Variants in PLG observed in about 807,000 individuals in gnomAD.
PLG encodes plasmin.
In PLG, 41 loss-of-function variants were observed where a neutral mutation model predicts 104.4. The ratio of observed to expected loss-of-function variants is 0.39; its 90% CI spans 0.31 to 0.51. The LOEUF is 0.51. Ranked by LOEUF, PLG falls within the 20% of genes least tolerant of loss-of-function variation. The probability of loss-of-function intolerance (pLI) is 0.76; values close to 1 mark genes in which losing one functional copy is unlikely to be tolerated. For synonymous variants in PLG, 337 were observed against 357.1 expected, an observed-to-expected ratio of 0.94 and a Z score of 0.63; for missense variants, 891 against 1,003.6, an observed-to-expected ratio of 0.89 and a Z score of 1.52.
chr6:160,702,377 A>G (rs1777433364), intron 1 of PLG, 24 bp downstream of exon 1: 3 of 1,540,038 alleles, frequency 1.9e-6, no homozygotes, highest in African/African-American at 2.8e-5. Context: ...TTTTTAAATT[A>G]TAAGAATTAT....
At chr6:160,716,864 G>T in intron 7 of PLG, 101 bp downstream of exon 7, 1 of 795,068 alleles carries the variant, frequency 1.3e-6, no homozygotes, top group South Asian at 1.4e-5. Context: ...TCTGAAAAGT[G>T]ACCTACAAGT....
chr6:160,718,217 C>T (rs575910929), intron 7 of PLG, 77 bp from the exon 8 acceptor site: 1 of 1,308,562 alleles, frequency 7.6e-7, no homozygotes, highest in South Asian at 1.2e-5. Flanking sequence ...GTGCCACTGA[C>T]TCCAGCCTGG....
In PLG at chr6:160,753,977, T is replaced by C. The variant is rs1473889790; in HGVS notation, c.*916T>C. ...CAATTTAACAATGCAACAGTCATCT[T>C]ACAGCAGAGAAATGCAGAGAAAAGC... is the stretch of plus-strand genomic sequence containing the variant. On this transcript the variant is annotated 3_prime_UTR_variant, in exon 19 of 19. Coordinates refer to ENST00000308192, the MANE Select transcript of PLG (RefSeq NM_000301.5). This position sits in a 1 kb window ranked among gnomAD's most constrained non-coding sequence, Gnocchi z 5.4. Among the ~76,000 whole-genome samples the C allele has an allele frequency of 6.6e-6, 1 of 152,248 alleles. No individual in the cohort carries two copies. Among genetic ancestry groups the C allele is most frequent in the Non-Finnish European group, 1.5e-5 (1 of 68,038 alleles).
At chr6:160,711,630 T>C (rs892944875) in intron 4 of PLG, 8 of 1,610,614 alleles carry the variant, frequency 5.0e-6, no homozygotes, top group African/African-American at 4.0e-5. Flanking sequence ...TTTGGCACCA[T>C]AGTAGAACAT....
At chr6:160,716,888 A>G in intron 7 of PLG, 125 bp downstream of exon 7, 2 of 743,360 alleles carry the variant, frequency 2.7e-6, no homozygotes, top group South Asian at 2.9e-5. Flanking sequence ...ATGGGATGTT[A>G]TTGGTCTTTA....
intron 17 of PLG, among the ~76,000 whole-genome samples, chr6:160,751,675 G>A (rs576634383): frequency 6.6e-6 from 1 of 152,192 alleles, no homozygotes; most frequent in East Asian, 1.9e-4. Flanking sequence ...TATTAGTTAT[G>A]AAGATCATAG....
intron 9 of PLG, 118 bp downstream of exon 9, chr6:160,718,956 G>C: frequency 1.1e-6 from 1 of 907,316 alleles, no homozygotes; most frequent in South Asian, 1.4e-5. Context: ...TGGTCAGAAA[G>C]CCTGCCCTTA....
At chr6:160,713,260 A>G in intron 5 of PLG, 135 bp downstream of exon 5, 1 of 777,090 alleles carries the variant, frequency 1.3e-6, no homozygotes, top group Non-Finnish European at 2.2e-6. Flanking sequence ...GCAAAACCCC[A>G]GAATTAACCT....
chr6:160,742,583 CT>C (rs749076222), intron 17 of PLG, among the ~76,000 whole-genome samples: 32 of 151,622 alleles, frequency 2.1e-4, no homozygotes, highest in Non-Finnish European at 1.3e-4. Flanking sequence ...CAAATATTTT[CT>C]CCTGTTCTCT....
rs1220798532 is a variant in PLG at position 160,719,078 on chromosome 6, G to T, written c.1096+240G>T. On this transcript the variant is annotated intron_variant, in intron 9 of 18. Coordinates refer to ENST00000308192, the MANE Select transcript of PLG (RefSeq NM_000301.5). The surrounding 1 kb of genome is among the most constrained non-coding windows in gnomAD (Gnocchi z 4.1). The stretch of plus-strand genomic sequence containing the variant: ...AGAATGTGTCTTCTGCGGTTGTTGG[G>T]TGGGGTGTTCCCTCAAGGTCATTTA... Among the ~76,000 whole-genome samples the T allele has an allele frequency of 6.6e-6, 1 of 152,142 alleles. No individual in the cohort carries two copies. The highest frequency in any genetic ancestry group is 1.9e-4 in the East Asian group (1 of 5,200).
chr6:160,744,968 G>A lies in PLG; in HGVS notation c.2125+3551G>A, dbSNP rs943654957. Among the ~76,000 whole-genome samples the A allele has an allele frequency of 1.3e-5, 2 of 152,184 alleles. No homozygotes were observed. The highest frequency in any genetic ancestry group is 2.9e-5 in the Non-Finnish European group (2 of 68,024). On this transcript the variant is annotated intron_variant, in intron 17 of 18. Transcript: ENST00000308192. The surrounding 1 kb of genome is among the most constrained non-coding windows in gnomAD (Gnocchi z 4.5). ...TTTCCATGTAATTGTACGGTTTTGA[G>A]TTATTTTCTTAGTCTTGACTGGTAT... is the stretch of plus-strand genomic sequence containing the variant.
At chr6:160,704,568 T>G (rs1777482336) in intron 1 of PLG, among the ~76,000 whole-genome samples, 1 of 152,206 alleles carries the variant, frequency 6.6e-6, no homozygotes, top group Non-Finnish European at 1.5e-5. Flanking sequence ...AAATGAGAGT[T>G]CAAGTTGGCA....
chr6:160,718,604 G>A (rs953069776), intron 8 of PLG, 89 bp from the exon 9 acceptor site: 4 of 1,457,454 alleles, frequency 2.7e-6, no homozygotes, highest in Non-Finnish European at 3.9e-6. Context: ...ACTTTAGCAC[G>A]TTTTTTCCCG....
chr6:160,729,554 A>G (rs560835791), intron 10 of PLG, among the ~76,000 whole-genome samples: 1 of 152,372 alleles, frequency 6.6e-6, no homozygotes, highest in East Asian at 1.9e-4. Flanking sequence ...AGCAATTAAA[A>G]TGAAGAAGTG....
At position 160,742,416 on chromosome 6, in the gene PLG, CT is replaced by C. The variant is rs1278658243; in HGVS notation, c.2125+1006del. On this transcript the variant is annotated intron_variant, in intron 17 of 18. Coordinates refer to ENST00000308192, the MANE Select transcript of PLG (RefSeq NM_000301.5). ...TTCTCTAACGATCAGTGATATTGAGCTTTTTTTCATATGTTTGTTGGCCACA... is the reference window on the plus strand; with the variant it reads ...TTCTCTAACGATCAGTGATATTGAGCTTTTTTCATATGTTTGTTGGCCACA... 4.6e-5 allele frequency among the ~76,000 whole-genome samples: 7 copies of C among 151,828 alleles called. No homozygotes were observed. In the South Asian group the frequency reaches 1.5e-3, roughly 32 times the overall value.
Position 160,739,248 on chromosome 6 carries a change from G to A in PLG, c.2018+40G>A, listed in dbSNP as rs760903224. On this transcript the variant is annotated intron_variant, in intron 16 of 18. Coordinates refer to ENST00000308192, the MANE Select transcript of PLG (RefSeq NM_000301.5). The surrounding 1 kb of genome is among the most constrained non-coding windows in gnomAD (Gnocchi z 4.4). ...GTGGTCTTCACCCCACGCTGGTGAA[G>A]ATATTTGCTTTATGTCTGGGTTTTA... 41 of 1,613,708 alleles carry A rather than the reference G, an allele frequency of 2.5e-5. No homozygotes were observed. The East Asian group carries it at 9.1e-4, about 36-fold the overall frequency.
At position 160,719,657 on chromosome 6, in the gene PLG, AT is replaced by A. The variant is rs1777798196; in HGVS notation, c.1096+824del. On this transcript the variant is annotated intron_variant, in intron 9 of 18. Transcript: ENST00000308192. This position sits in a 1 kb window ranked among gnomAD's most constrained non-coding sequence, Gnocchi z 4.1. ...TCTCCACTACTCACTTAGTAAATTA[AT>A]TTTTAATGGTTTTAGTATTTTCCAC... 6.6e-6 allele frequency among the ~76,000 whole-genome samples: 1 copy of A among 152,116 alleles called. No homozygotes were observed. Among genetic ancestry groups the A allele is most frequent in the Non-Finnish European group, 1.5e-5 (1 of 68,002 alleles).
chr6:160,721,052 C>T (rs537032692), intron 9 of PLG, among the ~76,000 whole-genome samples: 1 of 152,226 alleles, frequency 6.6e-6, no homozygotes, highest in Admixed American at 6.5e-5. Flanking sequence ...TTTTTTCTAG[C>T]ATTTTCATGT....
chr6:160,710,842 C>T lies in PLG; in HGVS notation c.293-235C>T, dbSNP rs1318137029. On this transcript the variant is annotated intron_variant, in intron 3 of 18. Coordinates refer to ENST00000308192, the MANE Select transcript of PLG (RefSeq NM_000301.5). ...CTGGCTGCACTGTGCCCCGTGTGTCCCCAGCATCCTGGTGGGGCTCGATAC... is the reference window on the plus strand; with the variant it reads ...CTGGCTGCACTGTGCCCCGTGTGTCTCCAGCATCCTGGTGGGGCTCGATAC... 2.0e-5 allele frequency among the ~76,000 whole-genome samples: 3 copies of T among 152,306 alleles called. No homozygotes were observed. In the East Asian group the frequency reaches 5.8e-4, roughly 29 times the overall value.
Sources: allele counts gnomAD v4.1 joint callset (sites outside exome capture counted in the v4.1 genomes callset), GRCh38; gene constraint gnomAD v4.1.1; non-coding constraint Gnocchi (gnomAD v3.1); transcripts MANE v1.5; gene names NCBI Gene and HGNC (gene_info 2026-07-23, HGNC 2026-07-21).